Variants in SLC5A10 observed in about 807,000 individuals in gnomAD.
SLC5A10 encodes sodium/mannose cotransporter SLC5A10.
A neutral mutation model predicts 68.9 loss-of-function variants in SLC5A10; 55 were observed. The observed-to-expected ratio is 0.80, with a 90% CI of 0.64 to 1.00. SLC5A10 has a LOEUF of 1.00. Ranked by LOEUF, SLC5A10 falls within the 50% of genes least tolerant of loss-of-function variation. SLC5A10 has a pLI of 0.00. For missense variants in SLC5A10, 732 were observed against 819.3 expected (o/e 0.89, Z 1.30); for synonymous variants, 344 against 344.8 (o/e 1.00, Z 0.02).
intron 9 of SLC5A10, among the ~76,000 whole-genome samples, chr17:18,989,416 G>T (rs1487905417): frequency 1.3e-5 from 2 of 151,732 alleles, no homozygotes; most frequent in African/African-American, 4.9e-5. Context: ...GCTGGCCCCT[G>T]CAGGCCCATC....
chr17:18,959,674 TCATGGGGCCTCCAG>T lies in SLC5A10; in HGVS notation c.348+13_348+26del. 1 of 1,613,800 alleles carries T rather than the reference TCATGGGGCCTCCAG, an allele frequency of 6.2e-7. No individual in the cohort carries two copies. The highest frequency in any genetic ancestry group is 8.5e-7 in the Non-Finnish European group (1 of 1,179,856). ...TACATCTCCTCAGAGGTGAGTCTAC[TCATGGGGCCTCCAG>T]CTGGGGGGCTGGGCCTTGGTCCAAG... On this transcript the variant is annotated intron_variant, in intron 4 of 14. Coordinates refer to ENST00000395645, the MANE Select transcript of SLC5A10 (RefSeq NM_001042450.4).
chr17:18,972,947 G>A (rs748788940), intron 8 of SLC5A10, among the ~76,000 whole-genome samples: 12 of 151,908 alleles, frequency 7.9e-5, no homozygotes, highest in Admixed American at 2.6e-4. Context: ...TTCCCCATCT[G>A]TAACACGTGG....
intron 11 of SLC5A10, among the ~76,000 whole-genome samples, chr17:19,015,912 A>C (rs1293762332): frequency 6.6e-6 from 1 of 152,154 alleles, no homozygotes; most frequent in African/African-American, 2.4e-5. Flanking sequence ...TGGTTACATG[A>C]ATAAGTTCTT....
In SLC5A10 at chr17:19,020,314, AC is replaced by A; in HGVS notation, c.1685-6del. 1.9e-6 allele frequency: 3 copies of A among 1,613,174 alleles called. No individual in the cohort carries two copies. The highest frequency in any genetic ancestry group is 1.1e-5 in the South Asian group (1 of 91,028). On this transcript the variant is annotated splice_polypyrimidine_tract_variant and intron_variant, in intron 14 of 14. Transcript: ENST00000395645. Reference sequence around the variant, plus strand: ...CTTCATCTGTCCCTCTCCTTCTGCAACCCCCTCCAGGTGATGGCCAAACACC... The same window carrying A: ...CTTCATCTGTCCCTCTCCTTCTGCAACCCCTCCAGGTGATGGCCAAACACC...
chr17:19,015,643 G>C (rs2044123958), intron 11 of SLC5A10, among the ~76,000 whole-genome samples: 1 of 152,172 alleles, frequency 6.6e-6, no homozygotes, highest in African/African-American at 2.4e-5. Flanking sequence ...TCCCAGCCCA[G>C]CTTGTCCCCT....
chr17:18,976,958 G>A lies in SLC5A10; in HGVS notation c.951G>A (p.Met317Ile). 6.2e-7 allele frequency: 1 copy of A among 1,613,100 alleles called. No homozygotes were observed. ...TGCTCCCCATGGGCCTGATCATCATGCCGGGCATGATCAGCCGCGCATTGT... is the reference window on the plus strand; with the variant it reads ...TGCTCCCCATGGGCCTGATCATCATACCGGGCATGATCAGCCGCGCATTGT... ...LKMLPMGLIIMPGMISRALFP... is the reference protein window; with the variant it reads ...LKMLPMGLIIIPGMISRALFP... The change falls in exon 9 of 15, where the codon ATG becomes ATA. Residue 317 changes from methionine (M) to isoleucine (I), a missense_variant. Physicochemically the swap from Met to Ile is conservative, Grantham distance 10. Coordinates refer to ENST00000395645, the MANE Select transcript of SLC5A10 (RefSeq NM_001042450.4).
intron 5 of SLC5A10, among the ~76,000 whole-genome samples, chr17:18,966,758 A>AAC (rs1355336023): frequency 6.6e-6 from 1 of 151,080 alleles, no homozygotes; most frequent in South Asian, 2.1e-4. Context: ...TCAAAAAAAA[A>AAC]AAAAAAAACA....
Position 19,019,990 on chromosome 17 carries a change from A to G in SLC5A10, c.1626+62A>G, listed in dbSNP as rs112348776. The G allele has an allele frequency of 4.4e-5, 66 of 1,503,698 alleles. No individual in the cohort carries two copies. In the African/African-American group the frequency reaches 8.3e-4, roughly 19 times the overall value. The allele number at this position is 1,503,698 out of a possible 1,614,324, so 93.1% of individuals were successfully genotyped here. On this transcript the variant is annotated intron_variant, in intron 13 of 14. Coordinates refer to ENST00000395645, the MANE Select transcript of SLC5A10 (RefSeq NM_001042450.4). The stretch of plus-strand genomic sequence containing the variant: ...AATTTCTTACTCTGGTCCCATTCTC[A>G]TCCCCGACCCACTCTGACTCAGAAT...
intron 9 of SLC5A10, among the ~76,000 whole-genome samples, chr17:18,983,269 A>C (rs540948662): frequency 1.3e-5 from 2 of 152,304 alleles, no homozygotes; most frequent in East Asian, 3.9e-4. Context: ...ACCCTCACAC[A>C]ACCCCGTGAG....
At chr17:18,988,914 C>T (rs1357569353) in intron 9 of SLC5A10, among the ~76,000 whole-genome samples, 1 of 152,240 alleles carries the variant, frequency 6.6e-6, no homozygotes, top group African/African-American at 2.4e-5. Flanking sequence ...GGCCTTCCCC[C>T]AGCCCAGCCA....
At position 18,971,728 on chromosome 17, in the gene SLC5A10, G is replaced by C. The variant is rs2042861154; in HGVS notation, c.846+510G>C. On this transcript the variant is annotated intron_variant, in intron 8 of 14. Transcript: ENST00000395645. The surrounding 1 kb of genome is among the most constrained non-coding windows in gnomAD (Gnocchi z 5.5). ...CCCTAGTCCCTGAGGCAGGGACCCT[G>C]TGATGATGAAACTGCTGGCCCTGGG... is the stretch of plus-strand genomic sequence containing the variant. 1 of 1,576,532 alleles carries C rather than the reference G, an allele frequency of 6.3e-7. No homozygotes were observed. The highest frequency in any genetic ancestry group is 2.3e-5 in the East Asian group (1 of 44,370).
At chr17:19,020,252 G>C (rs2044239596) in intron 14 of SLC5A10, 40 bp downstream of exon 14, 1 of 1,611,966 alleles carries the variant, frequency 6.2e-7, no homozygotes, top group African/African-American at 1.3e-5. Context: ...CCTTGACCCT[G>C]GCCTGGAGGC....
At chr17:18,952,522 A>C in intron 1 of SLC5A10, 1 of 556,388 alleles carries the variant, frequency 1.8e-6, no homozygotes, top group South Asian at 2.3e-5. Context: ...TGGCGTCTCC[A>C]TCTGCAAAGT....
chr17:18,957,554 C>G (rs1272761011), intron 1 of SLC5A10, among the ~76,000 whole-genome samples: 1 of 152,136 alleles, frequency 6.6e-6, no homozygotes, highest in Admixed American at 6.6e-5. Flanking sequence ...CTGCAACCTC[C>G]ACCTCCCGGG....
chr17:18,960,543 C>T lies in SLC5A10; in HGVS notation c.349-5C>T, dbSNP rs751668877. 6.8e-6 allele frequency: 11 copies of T among 1,613,904 alleles called. No homozygotes were observed. In the East Asian group the frequency reaches 1.8e-4, roughly 26 times the overall value. ...TGCTTAGCCCCTACCCATGTGCCTT[C>T]CCAGATCGTCACCTTACCTGAGTAC... On this transcript the variant is annotated splice_region_variant and splice_polypyrimidine_tract_variant and intron_variant, in intron 4 of 14. Transcript: ENST00000395645.
At position 18,988,461 on chromosome 17, in the gene SLC5A10, G is replaced by A. The variant is rs143893726; in HGVS notation, c.982+11472G>A. The A allele has an allele frequency of 3.4e-3, 5,430 of 1,598,324 alleles. 145 individuals are homozygous for A. In the African/African-American group the frequency reaches 0.06, roughly 18 times the overall value. On this transcript the variant is annotated intron_variant, in intron 9 of 14. Transcript: ENST00000395645. ...AGGGCCTGTCAGACAGTGCAGCAGT[G>A]GGGACAGGGTGCCCTGGCAGAGCGC... is the stretch of plus-strand genomic sequence containing the variant.
chr17:18,969,382 G>A lies in SLC5A10; in HGVS notation c.600G>A (p.Thr200=), dbSNP rs750951541. Residue 200 remains threonine (T), a synonymous_variant, in exon 7 of 15, where the codon ACG becomes ACA. Transcript: ENST00000395645. ...AAVIYTDALQ[T]LIMVVGAVIL... Reference sequence around the variant, plus strand: ...TAATCTACACGGACGCCCTGCAGACGCTCATCATGGTGGTGGGGGCTGTCA... The same window carrying A: ...TAATCTACACGGACGCCCTGCAGACACTCATCATGGTGGTGGGGGCTGTCA... 3.5e-5 allele frequency: 56 copies of A among 1,613,674 alleles called. No homozygotes were observed. The South Asian group carries it at 3.5e-4, about 10-fold the overall frequency.
chr17:19,009,237 G>T (rs1055344692), intron 9 of SLC5A10, among the ~76,000 whole-genome samples: 2 of 152,128 alleles, frequency 1.3e-5, no homozygotes, highest in African/African-American at 4.8e-5. Flanking sequence ...TCACCTCAAG[G>T]CTGGAGTGCA....
intron 9 of SLC5A10, among the ~76,000 whole-genome samples, chr17:19,008,124 A>G (rs1210490328): frequency 6.6e-6 from 1 of 152,222 alleles, no homozygotes; most frequent in Non-Finnish European, 1.5e-5. Flanking sequence ...CTCAGCAGCT[A>G]TAGATAAAAC....
Sources: allele counts gnomAD v4.1 joint callset (sites outside exome capture counted in the v4.1 genomes callset), GRCh38; gene constraint gnomAD v4.1.1; non-coding constraint Gnocchi (gnomAD v3.1); transcripts MANE v1.5; gene names NCBI Gene and HGNC (gene_info 2026-07-23, HGNC 2026-07-21).